GGTLC2: variants seen among roughly 807,000 people sequenced by gnomAD.
The protein encoded by GGTLC2 is gamma-glutamyltransferase light chain 2.
GGTLC2 carries 13 observed loss-of-function variants against 20.2 expected under a neutral mutation model. The observed-to-expected ratio is 0.64, with a 90% CI of 0.42 to 1.02. The LOEUF is 1.02. Ranked by LOEUF, GGTLC2 falls within the 50% of genes least tolerant of loss-of-function variation. GGTLC2 has a pLI of 0.00. For missense variants in GGTLC2, 202 were observed against 301.3 expected (o/e 0.67, Z 2.44); for synonymous variants, 89 against 125.5 (o/e 0.71, Z 1.94).
intron 1 of GGTLC2, among the ~76,000 whole-genome samples, chr22:22,645,223 C>T (rs5760507): frequency 0.62 from 88,679 of 144,156 alleles, 26,544 homozygotes; most frequent in South Asian, 0.79. Context: ...GTTGAAACTC[C>T]CTTGAGGCAT....
At position 22,647,859 on chromosome 22, in the gene GGTLC2, G is replaced by T; in HGVS notation, c.*118G>T. On this transcript the variant is annotated 3_prime_UTR_variant, in exon 6 of 6. Coordinates refer to ENST00000448514, the MANE Select transcript of GGTLC2 (RefSeq NM_199127.3). Reference sequence around the variant, plus strand: ...AGCAGCAGAGCAGCACAATAAATGAGGCCACTGTGCCAGGCTCCAGGTGGC... The same window carrying T: ...AGCAGCAGAGCAGCACAATAAATGATGCCACTGTGCCAGGCTCCAGGTGGC... The T allele has an allele frequency of 6.6e-7, 1 of 1,520,774 alleles. No homozygotes were observed. Among genetic ancestry groups the T allele is most frequent in the Admixed American group, 2.0e-5 (1 of 51,262 alleles). The allele number at this position is 1,520,774 out of a possible 1,614,324, so 94.2% of individuals were successfully genotyped here.
At chr22:22,647,079 CCACAGCCACTGCACTGATATGTGT>C in intron 4 of GGTLC2, 38 bp from the exon 5 acceptor site, 1 of 1,611,696 alleles carries the variant, frequency 6.2e-7, no homozygotes, top group Admixed American at 1.7e-5. Context: ...ACACAGATCA[CCACAGCCACTGCACTGATATGTGT>C]CACCCCTTTT....
chr22:22,645,365 C>T (rs1243229558), intron 1 of GGTLC2, among the ~76,000 whole-genome samples: 1 of 150,502 alleles, frequency 6.6e-6, no homozygotes, highest in African/African-American at 2.4e-5. Context: ...CCATGTTCAT[C>T]TCTCAGCCCG....
At position 22,646,890 on chromosome 22, in the gene GGTLC2, T is replaced by A. The variant is rs1186076082; in HGVS notation, c.304+9T>A. The stretch of plus-strand genomic sequence containing the variant: ...CAATTTCATCCAGCCAGGTATGGGG[T>A]GGAGGTCTGGGGATGGGGGACTGGG... On this transcript the variant is annotated intron_variant, in intron 3 of 5. Transcript: ENST00000448514. 1 of 1,569,448 alleles carries A rather than the reference T, an allele frequency of 6.4e-7. No individual in the cohort carries two copies. Among genetic ancestry groups the A allele is most frequent in the Non-Finnish European group, 8.6e-7 (1 of 1,158,734 alleles).
intron 2 of GGTLC2, 43 bp from the exon 3 acceptor site, chr22:22,646,711 G>A: frequency 3.1e-6 from 5 of 1,601,694 alleles, no homozygotes; most frequent in Non-Finnish European, 4.3e-6. Context: ...GACCAGGCTG[G>A]GCCAGGCAAG....
chr22:22,647,057 G>A lies in GGTLC2; in HGVS notation c.360+19G>A, dbSNP rs989122063. The A allele has an allele frequency of 5.6e-6, 9 of 1,611,570 alleles. No individual in the cohort carries two copies. The African/African-American group carries it at 1.2e-4, about 22-fold the overall frequency. On this transcript the variant is annotated intron_variant, in intron 4 of 5. Transcript: ENST00000448514. ...CGGCCAGGTCCGGATGGTGGTGGGA[G>A]CTGCTGGGGGCACACAGATCACCAC...
rs772281757 is a variant in GGTLC2, at chr22:22,646,727, G to C, written c.177-27G>C. ...ACCAGGCTGGGCCAGGCAAGGTCAGGTGCTGTCTGACCTGGCTGGGCGGTA... is the reference window on the plus strand; with the variant it reads ...ACCAGGCTGGGCCAGGCAAGGTCAGCTGCTGTCTGACCTGGCTGGGCGGTA... On this transcript the variant is annotated intron_variant, in intron 2 of 5. Transcript: ENST00000448514. The C allele has an allele frequency of 1.8e-5, 29 of 1,607,710 alleles. No homozygotes were observed. In the African/African-American group the frequency reaches 2.9e-4, roughly 16 times the overall value.
rs528003668 is a variant in GGTLC2 at position 22,647,043 on chromosome 22, G to A, written c.360+5G>A. 1.9e-4 allele frequency: 310 copies of A among 1,611,614 alleles called. No homozygotes were observed. In the East Asian group the frequency reaches 4.6e-3, roughly 24 times the overall value. ...ATGGTGGGCCAGGACGGCCAGGTCC[G>A]GATGGTGGTGGGAGCTGCTGGGGGC... On this transcript the variant is annotated splice_donor_5th_base_variant and intron_variant, in intron 4 of 5. Coordinates refer to ENST00000448514, the MANE Select transcript of GGTLC2 (RefSeq NM_199127.3).
In GGTLC2 at chr22:22,646,779, G is replaced by C. The variant is rs1445835328; in HGVS notation, c.202G>C (p.Val68Leu). 3.7e-6 allele frequency: 6 copies of C among 1,609,628 alleles called. No homozygotes were observed. The highest frequency in any genetic ancestry group is 3.4e-6 in the Non-Finnish European group (4 of 1,177,716). The change falls in exon 3 of 6, where the codon GTC (valine) becomes CTC (leucine). Residue 68 changes from valine (V) to leucine (L), a missense_variant. Physicochemically the swap from Val to Leu is conservative, Grantham distance 32. Around this residue, in one of 4 missense-constraint regions of GGTLC2, gnomAD observed 71 missense variants for 63.0 expected, o/e 1.13. Transcript: ENST00000448514. ...CTTTGGCTCCAAGGTCCGCTCCCCG[G>C]TCAGCGAGATCCTGTTCAATGATGA... ...LYFGSKVRSP[V>L]SEILFNDEMD...
chr22:22,644,878 CTCTCTTTTT>C (rs2063985558), intron 1 of GGTLC2, among the ~76,000 whole-genome samples, 170 bp downstream of exon 1: 4 of 72,846 alleles, frequency 5.5e-5, no homozygotes, highest in African/African-American at 1.4e-4. Context: ...GAGTCAGACT[CTCTCTTTTT>C]TTTTTTTTTT....
Position 22,647,874 on chromosome 22 carries a change from C to T in GGTLC2, c.*133C>T. On this transcript the variant is annotated 3_prime_UTR_variant, in exon 6 of 6. Transcript: ENST00000448514. The stretch of plus-strand genomic sequence containing the variant: ...CAATAAATGAGGCCACTGTGCCAGG[C>T]TCCAGGTGGCCTCCCTGCCCTGTCT... The T allele has an allele frequency of 1.4e-6, 2 of 1,440,828 alleles. No individual in the cohort carries two copies. Among genetic ancestry groups the T allele is most frequent in the South Asian group, 2.6e-5 (2 of 76,584 alleles). 89.3% of individuals were successfully genotyped at this position (1,440,828 alleles called of 1,614,324 possible).
At position 22,646,811 on chromosome 22, in the gene GGTLC2, T is replaced by C. The variant is rs3966363; in HGVS notation, c.234T>C (p.Asp78=). The C allele has an allele frequency of 0.18, 274,522 of 1,536,064 alleles. 31,516 individuals are homozygous for C. The highest frequency in any genetic ancestry group is 0.26 in the South Asian group (22,336 of 86,634). The stretch of plus-strand genomic sequence containing the variant: ...AGATCCTGTTCAATGATGAAATGGA[T>C]GACTTCAGCTCTCCCAACATCACCA... ...VSEILFNDEM[D]DFSSPNITNE... The change falls in exon 3 of 6, where the codon GAT becomes GAC. Residue 78 remains aspartate, a synonymous_variant. Coordinates refer to ENST00000448514, the MANE Select transcript of GGTLC2 (RefSeq NM_199127.3).
rs1309122623 is a variant in GGTLC2, at chr22:22,646,480, G to A, written c.135G>A (p.Glu45=). 2.8e-5 allele frequency: 43 copies of A among 1,562,610 alleles called. No individual in the cohort carries two copies. The highest frequency in any genetic ancestry group is 7.3e-5 in the Admixed American group (4 of 54,746). The change falls in exon 2 of 6, where the codon GAG becomes GAA. Residue 45 remains glutamate (E), a synonymous_variant. Transcript: ENST00000448514. The part of the protein sequence containing the change: ...GGTAHLSVVA[E]DGSAVSATST... ...CTGCTCACCTGTCTGTCGTCGCAGA[G>A]GACGGCAGTGCTGTGTCCGCCACCA...
rs749321331 is a variant in GGTLC2, at chr22:22,647,253, T to C, written c.473T>C (p.Leu158Pro). The C allele has an allele frequency of 1.1e-4, 173 of 1,611,170 alleles. No individual in the cohort carries two copies. The highest frequency in any genetic ancestry group is 2.3e-4 in the Middle Eastern group (1 of 4,444). ...GAGCCCCGGCTGCACAACCAGCTTC[T>C]GCCCAACGTCACGACAGTGGAGAGA... ...VEEPRLHNQL[L>P]PNVTTVERNI... Residue 158 changes from leucine (L) to proline (P), a missense_variant, in exon 5 of 6, where the codon CTG becomes CCG. Physicochemically the swap from Leu to Pro is moderately conservative, Grantham distance 98. Transcript: ENST00000448514.
intron 2 of GGTLC2, 43 bp downstream of exon 2, chr22:22,646,564 G>C (rs764818508): frequency 2.2e-5 from 30 of 1,369,930 alleles, no homozygotes; most frequent in Non-Finnish European, 3.0e-5. Flanking sequence ...GGCCAGGGGC[G>C]GGTGGCCCAG....
intron 5 of GGTLC2, 137 bp downstream of exon 5, chr22:22,647,427 A>G: frequency 7.6e-7 from 1 of 1,324,088 alleles, no homozygotes; most frequent in Non-Finnish European, 1.1e-6. Flanking sequence ...CCCCTGTGCC[A>G]TGAGGGCCAA....
In GGTLC2 at chr22:22,646,778, G is replaced by C. The variant is rs762481132; in HGVS notation, c.201G>C (p.Pro67=). 1.5e-5 allele frequency: 24 copies of C among 1,609,374 alleles called. No homozygotes were observed. The highest frequency in any genetic ancestry group is 2.7e-5 in the African/African-American group (2 of 74,820). ...GCTTTGGCTCCAAGGTCCGCTCCCC[G>C]GTCAGCGAGATCCTGTTCAATGATG... is the stretch of plus-strand genomic sequence containing the variant. ...NLYFGSKVRS[P]VSEILFNDEM... Residue 67 remains proline, a synonymous_variant, in exon 3 of 6, where the codon CCG becomes CCC. Transcript: ENST00000448514.
At chr22:22,645,002 C>T (rs1412592636) in intron 1 of GGTLC2, among the ~76,000 whole-genome samples, 1 of 136,648 alleles carries the variant, frequency 7.3e-6, no homozygotes, top group Non-Finnish European at 1.5e-5. Context: ...ACGCCATTCT[C>T]CTGCCTCAGC....
At chr22:22,644,891 T>C (rs1309139434) in intron 1 of GGTLC2, among the ~76,000 whole-genome samples, 183 bp downstream of exon 1, 1 of 75,344 alleles carries the variant, frequency 1.3e-5, no homozygotes, top group African/African-American at 6.6e-5. Context: ...TCTTTTTTTT[T>C]TTTTTTTTTT....
Sources: gnomAD v4.1 joint callset for allele counts (sites outside exome capture counted in the v4.1 genomes callset) on GRCh38, gnomAD v4.1.1 for gene constraint, gnomAD v4.1.1 regional missense constraint, MANE v1.5 for transcripts, NCBI Gene and HGNC (gene_info 2026-07-23, HGNC 2026-07-21) for gene names.